ESRP1: variants seen among roughly 807,000 people sequenced by gnomAD.
ESRP1 encodes epithelial splicing regulatory protein 1, also known as RNA-binding motif protein 35A.
A neutral mutation model predicts 81.7 loss-of-function variants in ESRP1; 33 were observed. The ratio of observed to expected loss-of-function variants is 0.40; its 90% CI spans 0.31 to 0.54. ESRP1 has a LOEUF of 0.54. Among genes scored for constraint, ESRP1 ranks in the 20% least tolerant of loss-of-function variants. ESRP1 has a pLI of 0.41. For synonymous variants in ESRP1, 320 were observed against 303.3 expected, an observed-to-expected ratio of 1.06 and a Z score of -0.57; for missense variants, 672 against 833.1, an observed-to-expected ratio of 0.81 and a Z score of 2.38.
At chr8:94,703,678 T>C (rs1369104326) in intron 15 of ESRP1, among the ~76,000 whole-genome samples, 3 of 152,204 alleles carry the variant, frequency 2.0e-5, no homozygotes, top group Non-Finnish European at 4.4e-5. Flanking sequence ...CTGATGTAGC[T>C]GGATCCAAGG....
chr8:94,666,536 A>G (rs924113642), intron 9 of ESRP1, among the ~76,000 whole-genome samples: 2 of 152,254 alleles, frequency 1.3e-5, no homozygotes, highest in Admixed American at 1.3e-4. Flanking sequence ...ACCTATTGCC[A>G]AATTATATGA....
intron 4 of ESRP1, among the ~76,000 whole-genome samples, chr8:94,651,691 A>C (rs1818138916): frequency 6.6e-6 from 1 of 151,910 alleles, no homozygotes. Flanking sequence ...ATCTTGGCTC[A>C]CTGCAACTTC....
chr8:94,641,526 G>T (rs368681454), intron 1 of ESRP1, 76 bp downstream of exon 1: 2 of 1,590,706 alleles, frequency 1.3e-6, no homozygotes, highest in East Asian at 4.5e-5. Context: ...CGGGGAGGGG[G>T]GTGGAGGTAA....
intron 13 of ESRP1, among the ~76,000 whole-genome samples, chr8:94,691,285 A>C (rs1489703567): frequency 1.3e-5 from 2 of 152,214 alleles, no homozygotes; most frequent in Non-Finnish European, 2.9e-5. Flanking sequence ...AACAAACAAA[A>C]AAACACAAAA....
chr8:94,669,532 G>A (rs1053818678), intron 10 of ESRP1, among the ~76,000 whole-genome samples: 8 of 151,876 alleles, frequency 5.3e-5, no homozygotes, highest in African/African-American at 1.7e-4. Flanking sequence ...CATTGTACTG[G>A]TGCTCTTGAA....
At position 94,707,069 on chromosome 8, in the gene ESRP1, A is replaced by T. The variant is rs1247663430; in HGVS notation, c.*1180A>T. The T allele has an allele frequency of 6.6e-6, 1 of 152,206 alleles. No individual in the cohort carries two copies. The highest frequency in any genetic ancestry group is 1.5e-5 in the Non-Finnish European group (1 of 68,038). 9.4% of individuals were successfully genotyped at this position (152,206 alleles called of 1,614,324 possible). On this transcript the variant is annotated 3_prime_UTR_variant, in exon 16 of 16. Transcript: ENST00000433389. ...GCTGCCTCATGTAACTCCAAAGAAAACAGGATTTCATTAAGTGCATTGAAT... is the reference window on the plus strand; with the variant it reads ...GCTGCCTCATGTAACTCCAAAGAAATCAGGATTTCATTAAGTGCATTGAAT...
chr8:94,704,008 T>A (rs1386234549), intron 15 of ESRP1, among the ~76,000 whole-genome samples: 4 of 152,196 alleles, frequency 2.6e-5, no homozygotes, highest in African/African-American at 9.7e-5. Context: ...TATTTTAAAC[T>A]GAGTGCCAAA....
intron 14 of ESRP1, among the ~76,000 whole-genome samples, chr8:94,694,485 T>C (rs1321806820): frequency 6.6e-6 from 1 of 152,140 alleles, no homozygotes; most frequent in African/African-American, 2.4e-5. Context: ...TCGCCTGTAG[T>C]CGCAGCTACT....
intron 10 of ESRP1, 106 bp downstream of exon 10, chr8:94,668,356 A>G (rs915134092): frequency 4.5e-6 from 5 of 1,102,766 alleles, no homozygotes; most frequent in Non-Finnish European, 6.3e-6. Flanking sequence ...CTGGCAAAAT[A>G]CTAAAAGTGT....
chr8:94,641,225 C>T lies in ESRP1; in HGVS notation c.-94C>T. On this transcript the variant is annotated 5_prime_UTR_variant, in exon 1 of 16. Coordinates refer to ENST00000433389, the MANE Select transcript of ESRP1 (RefSeq NM_017697.4). ...GGGGGTGGGCGCTCTTTCTTTTTCTCTTAGAAGAGGGTTTAGCACAGGTTT... is the reference window on the plus strand; with the variant it reads ...GGGGGTGGGCGCTCTTTCTTTTTCTTTTAGAAGAGGGTTTAGCACAGGTTT... 1.6e-6 allele frequency: 2 copies of T among 1,272,840 alleles called. No individual in the cohort carries two copies. The highest frequency in any genetic ancestry group is 2.2e-6 in the Non-Finnish European group (2 of 930,138). 78.8% of individuals were successfully genotyped at this position (1,272,840 alleles called of 1,614,324 possible). A position where few individuals can be genotyped will look rare whatever the true frequency, so the allele number is the denominator to read the frequency against.
Position 94,678,288 on chromosome 8 carries a change from G to C in ESRP1, c.1737G>C (p.Leu579Phe). The change falls in exon 13 of 16, where the codon TTG (leucine) becomes TTC (phenylalanine). Residue 579 changes from leucine to phenylalanine, a missense_variant. Coordinates refer to ENST00000433389, the MANE Select transcript of ESRP1 (RefSeq NM_017697.4). ...CCATTTACCAGCCCTCTGTGATTTT[G>C]AATCCACGAGCACTGCAGCCCTCCA... ...EAAIYQPSVILNPRALQPSTA... is the reference protein window; with the variant it reads ...EAAIYQPSVIFNPRALQPSTA... The C allele has an allele frequency of 6.2e-7, 1 of 1,613,950 alleles. No homozygotes were observed. The highest frequency in any genetic ancestry group is 2.2e-5 in the East Asian group (1 of 44,878).
intron 4 of ESRP1, among the ~76,000 whole-genome samples, chr8:94,650,895 C>T (rs1030415613): frequency 4.6e-5 from 7 of 151,972 alleles, no homozygotes; most frequent in African/African-American, 1.2e-4. Context: ...TTAGTAGAGA[C>T]GGAGTTTCAC....
rs1408359157 is a variant in ESRP1, at chr8:94,641,272, A to G, written c.-47A>G. 1.1e-5 allele frequency: 18 copies of G among 1,582,054 alleles called. No individual in the cohort carries two copies. In the East Asian group the frequency reaches 4.1e-4, roughly 36 times the overall value. On this transcript the variant is annotated 5_prime_UTR_variant, in exon 1 of 16. Coordinates refer to ENST00000433389, the MANE Select transcript of ESRP1 (RefSeq NM_017697.4). ...GTTTTTTCGTTCTCACTTCCACACCACCTTACCGCCTCCCGACCCCCCCTC... is the reference window on the plus strand; with the variant it reads ...GTTTTTTCGTTCTCACTTCCACACCGCCTTACCGCCTCCCGACCCCCCCTC...
At chr8:94,650,146 A>G (rs1461907596) in intron 4 of ESRP1, among the ~76,000 whole-genome samples, 1 of 152,184 alleles carries the variant, frequency 6.6e-6, no homozygotes, top group Non-Finnish European at 1.5e-5. Flanking sequence ...ATTGGGGTTT[A>G]CTTTTGGTCT....
chr8:94,690,732 T>G (rs1318375693), intron 13 of ESRP1, among the ~76,000 whole-genome samples: 1 of 152,160 alleles, frequency 6.6e-6, no homozygotes, highest in Non-Finnish European at 1.5e-5. Context: ...TAGAAGATCT[T>G]TAGGCAAGTG....
At chr8:94,659,115 A>G (rs1322652073) in intron 4 of ESRP1, among the ~76,000 whole-genome samples, 2 of 152,122 alleles carry the variant, frequency 1.3e-5, no homozygotes, top group Non-Finnish European at 2.9e-5. Context: ...TCCTGGGTTC[A>G]AATGATCCTC....
At position 94,650,932 on chromosome 8, in the gene ESRP1, C is replaced by G. The variant is rs143550127; in HGVS notation, c.490+4650C>G. The stretch of plus-strand genomic sequence containing the variant: ...ATGTTAGCCAGGATGGTCTCGATCT[C>G]CTGACCTCGTGATCCGCCCGCCTTG... On this transcript the variant is annotated intron_variant, in intron 4 of 15. Transcript: ENST00000433389. Among the ~76,000 whole-genome samples the G allele has an allele frequency of 6.5e-3, 987 of 152,232 alleles. 9 individuals are homozygous for G. Among genetic ancestry groups the G allele is most frequent in the Middle Eastern group, 0.054 (16 of 294 alleles).
chr8:94,682,891 TATATTCATTATTTTATATATA>T, intron 13 of ESRP1, among the ~76,000 whole-genome samples: 1 of 131,102 alleles, frequency 7.6e-6, no homozygotes, highest in African/African-American at 2.9e-5. Flanking sequence ...CATTATTCAA[TATATTCATTATTTTATATATA>T]TATATATATA....
intron 15 of ESRP1, among the ~76,000 whole-genome samples, chr8:94,705,102 A>T (rs1810010530): frequency 6.6e-6 from 1 of 150,682 alleles, no homozygotes; most frequent in African/African-American, 2.4e-5. Context: ...CTAATCATCA[A>T]CTAGTCACAG....
Sources: gnomAD v4.1 joint callset for allele counts (sites outside exome capture counted in the v4.1 genomes callset) on GRCh38, gnomAD v4.1.1 for gene constraint, MANE v1.5 for transcripts, NCBI Gene and HGNC (gene_info 2026-07-23, HGNC 2026-07-21) for gene names.